ANKS6: variants seen among roughly 807,000 people sequenced by gnomAD.
ANKS6 encodes the protein ankyrin repeat and SAM domain-containing protein 6.
ANKS6 carries 47 observed loss-of-function variants against 77.9 expected under a neutral mutation model. The ratio of observed to expected loss-of-function variants is 0.60; its 90% CI spans 0.48 to 0.77. ANKS6 has a LOEUF of 0.77. Among genes scored for constraint, ANKS6 ranks in the 30% least tolerant of loss-of-function variants. ANKS6 has a pLI of 0.00. For synonymous variants in ANKS6, 488 were observed against 501.7 expected, an observed-to-expected ratio of 0.97 and a Z score of 0.37; for missense variants, 1,150 against 1,159.1, an observed-to-expected ratio of 0.99 and a Z score of 0.11.
In ANKS6 at chr9:98,784,288, G is replaced by T; in HGVS notation, c.908-131C>A. The stretch of plus-strand genomic sequence containing the variant: ...CAGTGGGCTGCTGGGCATCATAGGG[G>T]ATACTAAGAGGGCGTCAGAGATAGC... On this transcript the variant is annotated intron_variant, in intron 3 of 14. Coordinates refer to ENST00000353234, the MANE Select transcript of ANKS6 (RefSeq NM_173551.5). 4 of 801,264 alleles carry T rather than the reference G, an allele frequency of 5.0e-6. No homozygotes were observed. In the South Asian group the frequency reaches 6.6e-5, roughly 13 times the overall value. 49.6% of individuals were successfully genotyped at this position (801,264 alleles called of 1,614,324 possible). A position where few individuals can be genotyped will look rare whatever the true frequency, so the allele number is the denominator to read the frequency against.
chr9:98,732,153 G>C lies in ANKS6; in HGVS notation c.*4366C>G. The C allele has an allele frequency of 6.1e-6, 2 of 327,176 alleles. No homozygotes were observed. The highest frequency in any genetic ancestry group is 8.5e-5 in the South Asian group (2 of 23,430). 20.3% of individuals were successfully genotyped at this position (327,176 alleles called of 1,614,324 possible). On this transcript the variant is annotated 3_prime_UTR_variant, in exon 15 of 15. Coordinates refer to ENST00000353234, the MANE Select transcript of ANKS6 (RefSeq NM_173551.5). ...AGGATGGTGCTTCACAGTGCCTCCT[G>C]CTGATGGCACCTTCATTCTGGCTGC...
chr9:98,782,533 C>T lies in ANKS6; in HGVS notation c.1153G>A (p.Asp385Asn), dbSNP rs957597714. Residue 385 changes from aspartate (D) to asparagine (N), a missense_variant, in exon 5 of 15, where the codon GAT (aspartate) becomes AAT (asparagine). Coordinates refer to ENST00000353234, the MANE Select transcript of ANKS6 (RefSeq NM_173551.5). ...CCATTTTTTGCACGAAGAGTGACAT[C>T]GGCCCCTTGGTTTAGCAGATATTTC... ...IVKYLLNQGA[D>N]VTLRAKNGYT... 51 of 1,614,034 alleles carry T rather than the reference C, an allele frequency of 3.2e-5. No individual in the cohort carries two copies. The highest frequency in any genetic ancestry group is 4.2e-5 in the Non-Finnish European group (49 of 1,180,018).
chr9:98,735,525 C>A lies in ANKS6; in HGVS notation c.*994G>T, dbSNP rs11791408. On this transcript the variant is annotated 3_prime_UTR_variant, in exon 15 of 15. Transcript: ENST00000353234. ...GAACACAGCATTAATAGGATGTAGA[C>A]AAAATTCCAAATTTTCACTTCTTTG... 20,613 of 1,229,742 alleles carry A rather than the reference C, an allele frequency of 0.017. 1,058 individuals are homozygous for A. The African/African-American group carries it at 0.18, about 11-fold the overall frequency. 76.2% of individuals were successfully genotyped at this position (1,229,742 alleles called of 1,614,324 possible).
In ANKS6 at chr9:98,766,933, CAT is replaced by C. The variant is rs148189750; in HGVS notation, c.2142+1146_2142+1147del. Among the ~76,000 whole-genome samples, 517 of 152,182 alleles carry C rather than the reference CAT, an allele frequency of 3.4e-3. 3 individuals carry two copies. Among genetic ancestry groups the C allele is most frequent in the African/African-American group, 0.012 (484 of 41,500 alleles). ...TATGAAGAGTGGGGTTTTGCCTGGA[CAT>C]AGAGTCCCCTCAGAGGAGGAAAGGG... On this transcript the variant is annotated intron_variant, in intron 11 of 14. Transcript: ENST00000353234.
At chr9:98,745,305 T>G (rs563632345) in intron 14 of ANKS6, among the ~76,000 whole-genome samples, 3 of 152,320 alleles carry the variant, frequency 2.0e-5, no homozygotes, top group Non-Finnish European at 4.4e-5. Flanking sequence ...AGCCAAAGGC[T>G]CGAAGGCTCT....
intron 11 of ANKS6, among the ~76,000 whole-genome samples, chr9:98,757,754 C>T (rs1000695182): frequency 9.9e-5 from 15 of 151,872 alleles, no homozygotes; most frequent in African/African-American, 3.6e-4. Flanking sequence ...TGGTGAAACC[C>T]CATCTCTACT....
intron 5 of ANKS6, among the ~76,000 whole-genome samples, chr9:98,782,230 T>A (rs1834309675): frequency 6.6e-6 from 1 of 152,054 alleles, no homozygotes; most frequent in South Asian, 2.1e-4. Flanking sequence ...CTCTAGAGAC[T>A]CCTAGGAGGT....
intron 2 of ANKS6, among the ~76,000 whole-genome samples, chr9:98,786,010 G>A (rs1325548936): frequency 2.6e-5 from 4 of 152,082 alleles, no homozygotes; most frequent in African/African-American, 7.2e-5. Flanking sequence ...ATGGAGTCTC[G>A]CTCTGTCACC....
intron 8 of ANKS6, among the ~76,000 whole-genome samples, chr9:98,775,952 G>A (rs959545998): frequency 1.3e-5 from 2 of 152,210 alleles, no homozygotes; most frequent in African/African-American, 4.8e-5. Flanking sequence ...AGGACCCCTC[G>A]CTGGGCTCTA....
rs1335089854 is a variant in ANKS6, at chr9:98,778,315, G to A, written c.1478C>T (p.Pro493Leu). 2 of 1,614,084 alleles carry A rather than the reference G, an allele frequency of 1.2e-6. No individual in the cohort carries two copies. Among genetic ancestry groups the A allele is most frequent in the Non-Finnish European group, 1.7e-6 (2 of 1,180,050 alleles). ...QPLPFSDEPE[P>L]ALDSTMRAAP... The stretch of plus-strand genomic sequence containing the variant: ...AGCCCTCATTGTGGAGTCCAGAGCT[G>A]GCTCAGGCTCGTCAGAGAAAGGCAA... The change falls in exon 7 of 15, where the codon CCA (proline) becomes CTA (leucine). Residue 493 changes from proline to leucine, a missense_variant. Transcript: ENST00000353234.
At position 98,733,981 on chromosome 9, in the gene ANKS6, A is replaced by C. The variant is rs180905138; in HGVS notation, c.*2538T>G. On this transcript the variant is annotated 3_prime_UTR_variant, in exon 15 of 15. Coordinates refer to ENST00000353234, the MANE Select transcript of ANKS6 (RefSeq NM_173551.5). ...GGCTGGGGACACGTGTGGGAAGGGA[A>C]GGGGGTGATCAAGGACCAAAAATCA... 2.0e-6 allele frequency: 2 copies of C among 985,374 alleles called. No individual in the cohort carries two copies. The highest frequency in any genetic ancestry group is 1.2e-4 in the Admixed American group (2 of 16,276). The allele number at this position is 985,374 out of a possible 1,614,324, so 61.0% of individuals were successfully genotyped here.
chr9:98,751,165 AT>A, intron 12 of ANKS6, 69 bp from the exon 13 acceptor site: 2 of 1,191,214 alleles, frequency 1.7e-6, no homozygotes, highest in South Asian at 2.7e-5. Context: ...TCAAACCTTT[AT>A]AAAGTAGTGG....
At chr9:98,783,726 G>C (rs1365830524) in intron 4 of ANKS6, 2 of 400,170 alleles carry the variant, frequency 5.0e-6, no homozygotes, top group Admixed American at 9.0e-5. Flanking sequence ...TGGTTTTTCA[G>C]GGCCATTGTG....
intron 5 of ANKS6, among the ~76,000 whole-genome samples, chr9:98,781,834 G>A (rs774331507): frequency 6.6e-6 from 1 of 152,132 alleles, no homozygotes; most frequent in Non-Finnish European, 1.5e-5. Flanking sequence ...AGGGCCTCGG[G>A]GCTTCTCTCT....
chr9:98,740,355 G>A (rs889141177), intron 14 of ANKS6, among the ~76,000 whole-genome samples: 3 of 152,194 alleles, frequency 2.0e-5, no homozygotes, highest in African/African-American at 7.2e-5. Context: ...AAAGGCTGGA[G>A]GGTATGACAG....
At chr9:98,770,790 C>T (rs763930148) in intron 10 of ANKS6, 106 bp downstream of exon 10, 49 of 1,160,334 alleles carry the variant, frequency 4.2e-5, no homozygotes, top group Non-Finnish European at 4.9e-5. Flanking sequence ...GTGCCTCTTG[C>T]GTGGTCATTT....
intron 7 of ANKS6, 64 bp downstream of exon 7, chr9:98,778,162 A>G (rs1834017668): frequency 6.4e-7 from 1 of 1,558,214 alleles, no homozygotes; most frequent in African/African-American, 1.4e-5. Context: ...AGGTAGGATG[A>G]AGGGCAGAGG....
At chr9:98,737,213 G>A (rs337584) in intron 14 of ANKS6, among the ~76,000 whole-genome samples, 151,693 of 152,310 alleles carry the variant, frequency 1, 75,539 homozygotes, top group Middle Eastern at 1. Flanking sequence ...TTCCAGGCTC[G>A]GAGGCAGCAA....
At chr9:98,796,060 CCGCCGGGGACCGCGTCTCGGGCCAG>C in intron 1 of ANKS6, 48 bp downstream of exon 1, 5 of 1,251,834 alleles carry the variant, frequency 4.0e-6, no homozygotes, top group Non-Finnish European at 1.0e-6. Flanking sequence ...GGGCATCCGG[CCGCCGGGGACCGCGTCTCGGGCCAG>C]CGCCGGGCAC....
Sources: allele counts gnomAD v4.1 joint callset (sites outside exome capture counted in the v4.1 genomes callset), GRCh38; gene constraint gnomAD v4.1.1; transcripts MANE v1.5; gene names NCBI Gene and HGNC (gene_info 2026-07-23, HGNC 2026-07-21).